The following RANBP2 variants were observed in gnomAD, a reference collection of about 807,000 sequenced individuals.
The protein encoded by RANBP2 is E3 SUMO-protein ligase RanBP2.
In RANBP2, 57 loss-of-function variants were observed where a neutral mutation model predicts 303.6. That is an observed-to-expected ratio of 0.19 (90% CI 0.15 to 0.23). The LOEUF (loss-of-function observed/expected upper bound fraction) is 0.23. Ranked by LOEUF, RANBP2 falls within the 10% of genes least tolerant of loss-of-function variation. The pLI, the probability that RANBP2 is intolerant of heterozygous loss-of-function variation, is 1.00. For missense variants in RANBP2, 3,138 were observed against 3,780.8 expected, an observed-to-expected ratio of 0.83 and a Z score of 4.46; for synonymous variants, 1,167 against 1,301.5, an observed-to-expected ratio of 0.90 and a Z score of 2.23.
chr2:109,460,586 A>G, the RANBP2 span, among the ~76,000 whole-genome samples: 1 of 152,216 alleles, frequency 6.6e-6, no homozygotes, highest in Non-Finnish European at 1.5e-5. Flanking sequence ...ACAGAATCCC[A>G]TCTGTGGAAT....
At chr2:109,451,753 G>T in the RANBP2 span, among the ~76,000 whole-genome samples, 5 of 152,234 alleles carry the variant, frequency 3.3e-5, no homozygotes, top group African/African-American at 1.2e-4. Flanking sequence ...TTGATGAAAG[G>T]CGACATGCAG....
At chr2:109,219,720 A>C in the RANBP2 span, among the ~76,000 whole-genome samples, 1 of 152,234 alleles carries the variant, frequency 6.6e-6, no homozygotes, top group African/African-American at 2.4e-5. Flanking sequence ...AATACTTGGG[A>C]ATAAACTTGA....
the RANBP2 span, among the ~76,000 whole-genome samples, chr2:109,588,259 G>A: frequency 6.6e-6 from 1 of 151,978 alleles, no homozygotes. Flanking sequence ...TTCTTCAAGA[G>A]AAAGGAAAAT....
At chr2:109,432,293 C>A in the RANBP2 span, among the ~76,000 whole-genome samples, 1 of 152,198 alleles carries the variant, frequency 6.6e-6, no homozygotes, top group Non-Finnish European at 1.5e-5. Flanking sequence ...GCAGGCAGCT[C>A]CCCGAAGGCT....
chr2:109,264,237 TC>T, the RANBP2 span, among the ~76,000 whole-genome samples: 1 of 145,472 alleles, frequency 6.9e-6, no homozygotes. Flanking sequence ...CTGTGGGTGC[TC>T]CCTGTCCACC....
chr2:109,135,835 C>T, the RANBP2 span, among the ~76,000 whole-genome samples: 1 of 152,114 alleles, frequency 6.6e-6, no homozygotes, highest in Admixed American at 6.5e-5. Context: ...TCTTTATTAT[C>T]AGAGGCAGTG....
chr2:108,800,619 T>A, the RANBP2 span, among the ~76,000 whole-genome samples: 3 of 138,844 alleles, frequency 2.2e-5, no homozygotes, highest in Non-Finnish European at 3.1e-5. Context: ...TTTTTTTTTT[T>A]TTTTTTTTTT....
the RANBP2 span, among the ~76,000 whole-genome samples, chr2:109,046,411 CT>C: frequency 8.1e-3 from 878 of 108,368 alleles, 5 homozygotes; most frequent in African/African-American, 0.025. Context: ...CTTTTCTTTT[CT>C]TTTTTTTTTT....
chr2:108,930,083 G>A, the RANBP2 span: 2 of 1,598,828 alleles, frequency 1.3e-6, no homozygotes, highest in African/African-American at 2.7e-5. Context: ...GGCCTCCCCT[G>A]AGAGCGCACC....
chr2:108,837,670 A>G, the RANBP2 span, among the ~76,000 whole-genome samples: 681 of 152,338 alleles, frequency 4.5e-3, 4 homozygotes, highest in African/African-American at 0.016. Flanking sequence ...AATAGCACAC[A>G]CAGCTATGTA....
At chr2:109,490,913 G>A in the RANBP2 span, 2 of 1,509,968 alleles carry the variant, frequency 1.3e-6, no homozygotes, top group South Asian at 1.2e-5. Context: ...TCCGCCCCGA[G>A]CCCAAGCTGT....
At chr2:109,386,657 G>T in the RANBP2 span, among the ~76,000 whole-genome samples, 37 of 152,136 alleles carry the variant, frequency 2.4e-4, no homozygotes, top group African/African-American at 8.5e-4. Context: ...GCTTATCCTA[G>T]GGGCAGCCCC....
At chr2:109,705,907 C>T in the RANBP2 span, among the ~76,000 whole-genome samples, 1 of 152,144 alleles carries the variant, frequency 6.6e-6, no homozygotes, top group Admixed American at 6.5e-5. Flanking sequence ...CAGCCCCCCA[C>T]AAAAAATAAC....
chr2:109,242,712 C>A, the RANBP2 span, among the ~76,000 whole-genome samples: 1 of 152,216 alleles, frequency 6.6e-6, no homozygotes, highest in Non-Finnish European at 1.5e-5. Flanking sequence ...GAGCCCTGGT[C>A]TGGGCTCAGA....
At chr2:108,886,613 T>C in the RANBP2 span, among the ~76,000 whole-genome samples, 1 of 151,918 alleles carries the variant, frequency 6.6e-6, no homozygotes, top group South Asian at 2.1e-4. Context: ...CGGCTTTCAC[T>C]GCATTAGCCA....
chr2:109,282,495 C>T, the RANBP2 span, among the ~76,000 whole-genome samples: 549 of 152,300 alleles, frequency 3.6e-3, 1 homozygote, highest in African/African-American at 0.012. Context: ...GTCACCAAGA[C>T]GCCGGCCTGC....
the RANBP2 span, among the ~76,000 whole-genome samples, chr2:109,586,778 G>C: frequency 6.6e-6 from 1 of 152,158 alleles, no homozygotes; most frequent in Non-Finnish European, 1.5e-5. Context: ...TGAAACCCTA[G>C]ATGGGCCACA....
At chr2:108,840,294 G>A in the RANBP2 span, among the ~76,000 whole-genome samples, 1 of 151,958 alleles carries the variant, frequency 6.6e-6, no homozygotes, top group Non-Finnish European at 1.5e-5. Flanking sequence ...AGAAATATTT[G>A]TCTATAGTTT....
At chr2:109,279,231 C>T in the RANBP2 span, among the ~76,000 whole-genome samples, 1 of 152,158 alleles carries the variant, frequency 6.6e-6, no homozygotes, top group African/African-American at 2.4e-5. Context: ...TTGTCGAGAG[C>T]CCTGCTGACT....
Sources: allele counts gnomAD v4.1 joint callset (sites outside exome capture counted in the v4.1 genomes callset), GRCh38; gene constraint gnomAD v4.1.1; transcripts MANE v1.5; gene names NCBI Gene and HGNC (gene_info 2026-07-23, HGNC 2026-07-21).